HRK: variants seen among roughly 807,000 people sequenced by gnomAD.
HRK encodes the protein activator of apoptosis harakiri.
In HRK, 6 loss-of-function variants were observed where a neutral mutation model predicts 5.9. The observed-to-expected ratio is 1.02, with a 90% CI of 0.56 to 2.01. The LOEUF is 2.01. Ranked by LOEUF, HRK falls within the 30% of genes most tolerant of loss-of-function variation. The pLI is 0.00. For missense variants in HRK, 133 were observed against 128.3 expected (o/e 1.04, Z -0.18); for synonymous variants, 85 against 65.1 (o/e 1.31, Z -1.47).
intron 1 of HRK, chr12:116,867,830 T>G (rs1444226841): frequency 1.3e-5 from 2 of 152,092 alleles, no homozygotes; most frequent in Non-Finnish European, 2.9e-5. Flanking sequence ...CAAAACAGCA[T>G]GAACAGTATG....
At position 116,862,410 on chromosome 12, in the gene HRK, G is replaced by A. The variant is rs1041747926; in HGVS notation, c.*57-944C>T. Among the ~76,000 whole-genome samples, 6 of 152,182 alleles carry A rather than the reference G, an allele frequency of 3.9e-5. No individual in the cohort carries two copies. The highest frequency in any genetic ancestry group is 6.5e-5 in the Admixed American group (1 of 15,278). On this transcript the variant is annotated intron_variant, in intron 1 of 1. Transcript: ENST00000257572. This position sits in a 1 kb window ranked among gnomAD's most constrained non-coding sequence, Gnocchi z 4.0. ...TCAAAAAGGAATGAAGTATTGATAC[G>A]TGAAGATGGATGAACCTTGAAGGCA...
In HRK at chr12:116,861,477, A is replaced by G. The variant is rs898542512; in HGVS notation, c.*57-11T>C. ...AGGGTTTTCACCAACCTGCAGAAAT[A>G]AAGATTGGTATTTTGGTCAGTGCAG... On this transcript the variant is annotated splice_polypyrimidine_tract_variant and intron_variant, in intron 1 of 1. Transcript: ENST00000257572. 3 of 152,220 alleles carry G rather than the reference A, an allele frequency of 2.0e-5. No homozygotes were observed. The highest frequency in any genetic ancestry group is 1.9e-4 in the East Asian group (1 of 5,192). 9.4% of individuals were successfully genotyped at this position (152,220 alleles called of 1,614,324 possible). A position where few individuals can be genotyped will look rare whatever the true frequency, so the allele number is the denominator to read the frequency against.
Position 116,878,018 on chromosome 12 carries a change from C to A in HRK, c.*56+2958G>T, listed in dbSNP as rs1044019713. Among the ~76,000 whole-genome samples, 1 of 152,270 alleles carries A rather than the reference C, an allele frequency of 6.6e-6. No individual in the cohort carries two copies. The highest frequency in any genetic ancestry group is 2.1e-4 in the South Asian group (1 of 4,834). ...GTAACCTCCGCCTCCCAGGTTCAAG[C>A]GATTCTCCTGCCTCAGCCTCCCGAG... On this transcript the variant is annotated intron_variant, in intron 1 of 1. Coordinates refer to ENST00000257572, the MANE Select transcript of HRK (RefSeq NM_003806.4). The surrounding 1 kb of genome is among the most constrained non-coding windows in gnomAD (Gnocchi z 4.4).
chr12:116,867,673 G>A (rs919324410), intron 1 of HRK: 1 of 152,164 alleles, frequency 6.6e-6, no homozygotes, highest in Admixed American at 6.6e-5. Context: ...CAATGCAAAT[G>A]TTCCCAAGGA....
rs1046120613 is a variant in HRK, at chr12:116,881,131, C to T, written c.177G>A (p.Ala59=). 2 of 1,209,868 alleles carry T rather than the reference C, an allele frequency of 1.7e-6. No homozygotes were observed. The highest frequency in any genetic ancestry group is 1.6e-5 in the African/African-American group (1 of 62,820). The allele number at this position is 1,209,868 out of a possible 1,614,324, so 74.9% of individuals were successfully genotyped here. ...AGGTGGGGAGCGCGCCGGGCGCCGG[C>T]GCCCTCCGGCTCCGCGCGCGGCGCC... ...MWRRRARSRR[A]PAPGALPTYW... The change falls in exon 1 of 2, where the codon GCG becomes GCA. Residue 59 remains alanine (A), a synonymous_variant. Transcript: ENST00000257572.
rs1157554361 is a variant in HRK, at chr12:116,860,404, G to A, written c.*1119C>T. The stretch of plus-strand genomic sequence containing the variant: ...CCACTCCCTCCCACAACATCCCCCG[G>A]TTATAAATCATCTTTGAACAGAATG... On this transcript the variant is annotated 3_prime_UTR_variant, in exon 2 of 2. Coordinates refer to ENST00000257572, the MANE Select transcript of HRK (RefSeq NM_003806.4). The A allele has an allele frequency of 2.6e-5, 4 of 152,072 alleles. No individual in the cohort carries two copies. Among genetic ancestry groups the A allele is most frequent in the African/African-American group, 9.7e-5 (4 of 41,374 alleles). 9.4% of individuals were successfully genotyped at this position (152,072 alleles called of 1,614,324 possible).
intron 1 of HRK, among the ~76,000 whole-genome samples, chr12:116,863,098 A>G (rs1878422147): frequency 2.0e-5 from 3 of 152,218 alleles, no homozygotes; most frequent in Non-Finnish European, 4.4e-5. Flanking sequence ...ATCACCCGTT[A>G]TTCTAAAGCA....
At chr12:116,867,689 C>A (rs1878594892) in intron 1 of HRK, 1 of 152,130 alleles carries the variant, frequency 6.6e-6, no homozygotes, top group Non-Finnish European at 1.5e-5. Context: ...AAGGAAGTGA[C>A]CATATAAGGA....
chr12:116,876,832 A>G (rs1878948619), intron 1 of HRK: 1 of 152,268 alleles, frequency 6.6e-6, no homozygotes, highest in Non-Finnish European at 1.5e-5. Context: ...TTGTACAGGA[A>G]TTCACTGTGC....
rs1304319563 is a variant in HRK, at chr12:116,879,429, G to A, written c.*56+1547C>T. 6.6e-6 allele frequency: 1 copy of A among 151,942 alleles called. No homozygotes were observed. The highest frequency in any genetic ancestry group is 2.4e-5 in the African/African-American group (1 of 41,282). The allele number at this position is 151,942 out of a possible 1,614,324, so 9.4% of individuals were successfully genotyped here. On this transcript the variant is annotated intron_variant, in intron 1 of 1. Transcript: ENST00000257572. The surrounding 1 kb of genome is among the most constrained non-coding windows in gnomAD (Gnocchi z 5.6). Reference sequence around the variant, plus strand: ...CCTCTTCCCAAATTCCACGCTTTGGGCTTCGCGTCTGTCGCTCAACTTCCT... The same window carrying A: ...CCTCTTCCCAAATTCCACGCTTTGGACTTCGCGTCTGTCGCTCAACTTCCT...
chr12:116,877,968 T>C (rs1472242974), intron 1 of HRK, among the ~76,000 whole-genome samples: 1 of 152,232 alleles, frequency 6.6e-6, no homozygotes, highest in African/African-American at 2.4e-5. Context: ...TGCAGTGGTG[T>C]GATCTCAGCT....
intron 1 of HRK, among the ~76,000 whole-genome samples, chr12:116,866,219 T>C (rs904574904): frequency 1.3e-5 from 2 of 150,862 alleles, no homozygotes; most frequent in African/African-American, 4.9e-5. Flanking sequence ...CAGGTTGATT[T>C]TGACCAAGGA....
chr12:116,874,849 A>T (rs1247046800), intron 1 of HRK, among the ~76,000 whole-genome samples: 1 of 152,138 alleles, frequency 6.6e-6, no homozygotes, highest in African/African-American at 2.4e-5. Flanking sequence ...TAACAGCCAG[A>T]CATGTAAATA....
chr12:116,861,164 A>C lies in HRK; in HGVS notation c.*359T>G, dbSNP rs182260192. 6.6e-6 allele frequency: 1 copy of C among 152,274 alleles called. No individual in the cohort carries two copies. The highest frequency in any genetic ancestry group is 1.5e-5 in the Non-Finnish European group (1 of 68,064). The allele number at this position is 152,274 out of a possible 1,614,324, so 9.4% of individuals were successfully genotyped here. A position where few individuals can be genotyped will look rare whatever the true frequency, so the allele number is the denominator to read the frequency against. The stretch of plus-strand genomic sequence containing the variant: ...GACATTACAGAATATCAAAGTTCAC[A>C]TCGCAAGGTGCAGAAAAGGAAGGCA... On this transcript the variant is annotated 3_prime_UTR_variant, in exon 2 of 2. Coordinates refer to ENST00000257572, the MANE Select transcript of HRK (RefSeq NM_003806.4).
At chr12:116,877,620 A>T (rs1344777774) in intron 1 of HRK, among the ~76,000 whole-genome samples, 1 of 152,196 alleles carries the variant, frequency 6.6e-6, no homozygotes, top group Non-Finnish European at 1.5e-5. Context: ...GGAAAGAATG[A>T]TAGTAAATGC....
At chr12:116,865,115 T>C (rs778066859) in intron 1 of HRK, among the ~76,000 whole-genome samples, 11 of 152,128 alleles carry the variant, frequency 7.2e-5, no homozygotes, top group African/African-American at 1.2e-4. Context: ...GCTTTGGGTA[T>C]GGAAGGTGAA....
At chr12:116,864,921 C>T (rs537371382) in intron 1 of HRK, among the ~76,000 whole-genome samples, 131 of 152,250 alleles carry the variant, frequency 8.6e-4, no homozygotes, top group Middle Eastern at 3.4e-3. Context: ...AAACTTGGCT[C>T]GTAAAGAATT....
intron 1 of HRK, among the ~76,000 whole-genome samples, chr12:116,880,446 C>A (rs1003277633): frequency 1.3e-5 from 2 of 152,104 alleles, no homozygotes; most frequent in Middle Eastern, 6.3e-3. Context: ...TCTCGAGATG[C>A]GCTTGGGGTG....
At position 116,861,352 on chromosome 12, in the gene HRK, C is replaced by G. The variant is rs945932595; in HGVS notation, c.*171G>C. 4.6e-5 allele frequency: 7 copies of G among 152,244 alleles called. No individual in the cohort carries two copies. Among genetic ancestry groups the G allele is most frequent in the Admixed American group, 1.3e-4 (2 of 15,288 alleles). 9.4% of individuals were successfully genotyped at this position (152,244 alleles called of 1,614,324 possible). Reference sequence around the variant, plus strand: ...TGTGTTTCTACGATCGCTCCAGGCGCTGTCTTTACTCTCCACTTCCTTCTC... The same window carrying G: ...TGTGTTTCTACGATCGCTCCAGGCGGTGTCTTTACTCTCCACTTCCTTCTC... On this transcript the variant is annotated 3_prime_UTR_variant, in exon 2 of 2. Coordinates refer to ENST00000257572, the MANE Select transcript of HRK (RefSeq NM_003806.4).
Sources: allele counts gnomAD v4.1 joint callset (sites outside exome capture counted in the v4.1 genomes callset), GRCh38; gene constraint gnomAD v4.1.1; non-coding constraint Gnocchi (gnomAD v3.1); transcripts MANE v1.5; gene names NCBI Gene and HGNC (gene_info 2026-07-23, HGNC 2026-07-21).